RARB: variants seen among roughly 807,000 people sequenced by gnomAD.
The protein encoded by RARB is HBV-activated protein.
Under a neutral mutation model 51.9 loss-of-function variants are expected in RARB, and 17 were observed. The observed-to-expected ratio is 0.33, with a 90% CI of 0.22 to 0.49. RARB has a LOEUF of 0.49. Ranked by LOEUF, RARB falls within the 20% of genes least tolerant of loss-of-function variation. The pLI is 0.99. For missense variants in RARB, 369 were observed against 550.8 expected (o/e 0.67, Z 3.30); for synonymous variants, 215 against 195.4 (o/e 1.10, Z -0.84).
chr3:25,380,942 G>A lies in RARB; in HGVS notation c.179-80251G>A, dbSNP rs1706607572. On this transcript the variant is annotated intron_variant, in intron 5 of 11. Coordinates refer to the RARB transcript ENST00000383772. ...TTTTTCTCTCCCATCCTTATCTCCT[G>A]CATTTTATCTACCTCGACCTTTCCA... Among the ~76,000 whole-genome samples the A allele has an allele frequency of 2.0e-5, 3 of 152,124 alleles. No individual in the cohort carries two copies. In the South Asian group the frequency reaches 6.2e-4, roughly 32 times the overall value.
At chr3:25,343,957 G>A (rs112582392) in intron 5 of RARB, among the ~76,000 whole-genome samples, 1,846 of 152,220 alleles carry the variant, frequency 0.012, 44 homozygotes, top group African/African-American at 0.043. Flanking sequence ...ATTATGACAG[G>A]AAAGTGTAGT....
intron 5 of RARB, among the ~76,000 whole-genome samples, chr3:25,201,111 A>G (rs915871806): frequency 6.6e-6 from 1 of 152,086 alleles, no homozygotes; most frequent in Non-Finnish European, 1.5e-5. Flanking sequence ...GTCCTTGAAC[A>G]GTCGTTTGTA....
chr3:25,595,528 C>T (rs766518513), intron 7 of RARB, among the ~76,000 whole-genome samples: 4 of 152,104 alleles, frequency 2.6e-5, no homozygotes, highest in South Asian at 2.1e-4. Flanking sequence ...GTTGTGAATA[C>T]GGTATCTTTG....
At chr3:25,531,451 A>G (rs977591947) in intron 3 of RARB, among the ~76,000 whole-genome samples, 3 of 152,008 alleles carry the variant, frequency 2.0e-5, no homozygotes, top group African/African-American at 7.2e-5. Flanking sequence ...ATAGATTTAT[A>G]TATGTGTGTT....
intron 2 of RARB, among the ~76,000 whole-genome samples, chr3:25,050,442 AAATT>A (rs1207845166): frequency 2.0e-5 from 3 of 152,202 alleles, no homozygotes; most frequent in African/African-American, 7.2e-5. Flanking sequence ...TTAAAAAAAA[AAATT>A]AACTCTCATC....
At chr3:25,155,405 C>T (rs769462350) in intron 4 of RARB, among the ~76,000 whole-genome samples, 76 of 152,150 alleles carry the variant, frequency 5.0e-4, no homozygotes, top group Non-Finnish European at 7.1e-4. Flanking sequence ...TCTTCCCTCA[C>T]GGGTCTATCT....
At chr3:24,976,821 A>G (rs1181031256) in intron 2 of RARB, among the ~76,000 whole-genome samples, 1 of 152,174 alleles carries the variant, frequency 6.6e-6, no homozygotes, top group Non-Finnish European at 1.5e-5. Context: ...TGTTTTAGAC[A>G]TGAAGTCCTT....
chr3:25,400,895 T>C (rs144252606), intron 5 of RARB, among the ~76,000 whole-genome samples: 1 of 151,658 alleles, frequency 6.6e-6, no homozygotes, highest in Admixed American at 6.6e-5. Context: ...AAAATAAAAC[T>C]AAAATATAAA....
intron 3 of RARB, among the ~76,000 whole-genome samples, chr3:25,094,716 C>CAAAAAAAAAAAAAAAAAAAAA (rs57477720): frequency 2.3e-5 from 1 of 43,106 alleles, no homozygotes. Context: ...GACCCCATCT[C>CAAAAAAAAAAAAAAAAAAAAA]AAAAAAAAAA....
chr3:24,914,524 C>A lies in RARB; in HGVS notation c.-380+55772C>A, dbSNP rs538976553. On this transcript the variant is annotated intron_variant, in intron 2 of 11. Transcript: ENST00000383772. ...GCCGATCTTCAGTATCCATAAAGGACTGGTTCTGGTTCCCCTCTCAGGTAC... is the reference window on the plus strand; with the variant it reads ...GCCGATCTTCAGTATCCATAAAGGAATGGTTCTGGTTCCCCTCTCAGGTAC... Among the ~76,000 whole-genome samples, 18 of 152,286 alleles carry A rather than the reference C, an allele frequency of 1.2e-4. 1 individual carries two copies. In the South Asian group the frequency reaches 3.7e-3, roughly 32 times the overall value.
chr3:25,588,282 T>C (rs1701480582), intron 5 of RARB, among the ~76,000 whole-genome samples: 1 of 152,244 alleles, frequency 6.6e-6, no homozygotes, highest in South Asian at 2.1e-4. Flanking sequence ...ATGATTCCAT[T>C]GATCTGAAGT....
At chr3:25,450,042 C>G (rs1050215449) in intron 1 of RARB, among the ~76,000 whole-genome samples, 6 of 152,146 alleles carry the variant, frequency 3.9e-5, no homozygotes, top group Non-Finnish European at 7.3e-5. Context: ...TAAGCCACTG[C>G]GCCTGGCCAA....
intron 5 of RARB, among the ~76,000 whole-genome samples, chr3:25,400,624 C>G (rs1395546156): frequency 5.3e-5 from 8 of 152,214 alleles, no homozygotes; most frequent in Non-Finnish European, 1.5e-5. Flanking sequence ...TAGAAGAGTT[C>G]TGATAGGATG....
chr3:25,012,561 T>A (rs952787888), intron 2 of RARB, among the ~76,000 whole-genome samples: 2 of 152,140 alleles, frequency 1.3e-5, no homozygotes, highest in Admixed American at 6.6e-5. Flanking sequence ...TACCGTCTTA[T>A]TACACATGCA....
rs556497567 is a variant in RARB at position 24,927,303 on chromosome 3, T to G, written c.-380+68551T>G. On this transcript the variant is annotated intron_variant, in intron 2 of 11. Transcript: ENST00000383772. ...TTTATATAGGAATGGCTTAATTTGT[T>G]CTGAGTTCCTTAGTTCTGAATCCCA... Among the ~76,000 whole-genome samples, 7 of 152,248 alleles carry G rather than the reference T, an allele frequency of 4.6e-5. No individual in the cohort carries two copies. The South Asian group carries it at 1.4e-3, about 32-fold the overall frequency.
At chr3:24,892,651 T>C (rs376859609) in intron 2 of RARB, among the ~76,000 whole-genome samples, 1 of 152,360 alleles carries the variant, frequency 6.6e-6, no homozygotes. Context: ...TCTGGAATTA[T>C]GATTCTAGCA....
chr3:24,835,811 G>A (rs986268106), intron 1 of RARB, among the ~76,000 whole-genome samples: 4 of 152,180 alleles, frequency 2.6e-5, no homozygotes, highest in Non-Finnish European at 5.9e-5. Context: ...CAAAGAAACA[G>A]TGGGTGGTGA....
chr3:25,017,213 C>T (rs1444331078), intron 2 of RARB, among the ~76,000 whole-genome samples: 2 of 121,498 alleles, frequency 1.6e-5, no homozygotes, highest in Non-Finnish European at 3.0e-5. Flanking sequence ...AACTAGCTTT[C>T]CCCCCCCCTT....
chr3:24,927,051 A>G (rs990914020), intron 2 of RARB, among the ~76,000 whole-genome samples: 28 of 152,236 alleles, frequency 1.8e-4, no homozygotes, highest in Middle Eastern at 6.8e-3. Flanking sequence ...ATCCCTAGTT[A>G]GTAAGGCAGC....
Sources: allele counts gnomAD v4.1 joint callset (sites outside exome capture counted in the v4.1 genomes callset), GRCh38; gene constraint gnomAD v4.1.1; transcripts MANE v1.5; gene names NCBI Gene and HGNC (gene_info 2026-07-23, HGNC 2026-07-21).